The following GRAMD1C variants were observed in gnomAD, a reference collection of about 807,000 sequenced individuals.
GRAMD1C encodes protein Aster-C.
Under a neutral mutation model 97.8 loss-of-function variants are expected in GRAMD1C, and 89 were observed. The observed-to-expected ratio is 0.91, with a 90% confidence interval of 0.77 to 1.09. GRAMD1C has a LOEUF of 1.09. GRAMD1C is among the 50% of genes least tolerant of loss of function. The probability of loss-of-function intolerance (pLI) is 0.00; values close to 1 mark genes in which losing one functional copy is unlikely to be tolerated. For missense variants in GRAMD1C, 740 were observed against 766.4 expected (o/e 0.97, Z 0.41); for synonymous variants, 256 against 267.0 (o/e 0.96, Z 0.40).
intron 2 of GRAMD1C, among the ~76,000 whole-genome samples, chr3:113,849,906 C>G (rs1393791546): frequency 5.4e-5 from 8 of 148,972 alleles, no homozygotes; most frequent in Non-Finnish European, 9.0e-5. Flanking sequence ...GACGGGGCGG[C>G]TGGCCAGGCG....
rs770559418 is a variant in GRAMD1C, at chr3:113,945,450, A to G, written c.1961A>G (p.Asn654Ser). Reference protein sequence around the residue: ...LQKTFDLLNKNKTGMAVES With the variant: ...LQKTFDLLNKSKTGMAVES ...AAAACGTTTGATCTACTAAATAAGA[A>G]TAAGACTGGCATGGCTGTTGAAAGC... Residue 654 changes from asparagine (N) to serine (S), a missense_variant, in exon 18 of 18, where the codon AAT (asparagine) becomes AGT (serine). Asn to Ser is a conservative substitution (Grantham distance 46). Transcript: ENST00000358160. 2 of 1,596,264 alleles carry G rather than the reference A, an allele frequency of 1.3e-6. No homozygotes were observed. The highest frequency in any genetic ancestry group is 8.6e-7 in the Non-Finnish European group (1 of 1,164,346).
intron 3 of GRAMD1C, among the ~76,000 whole-genome samples, chr3:113,872,335 G>A (rs1250241887): frequency 6.7e-6 from 1 of 150,098 alleles, no homozygotes; most frequent in African/African-American, 2.5e-5. Context: ...ATCTTGCTTA[G>A]ATCTCTTTTT....
intron 2 of GRAMD1C, among the ~76,000 whole-genome samples, chr3:113,850,895 C>T (rs148234787): frequency 3.5e-5 from 5 of 144,150 alleles, no homozygotes; most frequent in African/African-American, 5.1e-5. Flanking sequence ...TCCGCTTCCC[C>T]GGGTTCACAC....
intron 2 of GRAMD1C, among the ~76,000 whole-genome samples, chr3:113,847,674 G>C (rs1933673360): frequency 6.6e-6 from 1 of 152,154 alleles, no homozygotes; most frequent in Admixed American, 6.5e-5. Flanking sequence ...ATTCACTGAG[G>C]GGTCTAAAAT....
intron 3 of GRAMD1C, among the ~76,000 whole-genome samples, chr3:113,871,783 CA>C (rs1250983760): frequency 1.4e-5 from 2 of 138,546 alleles, no homozygotes; most frequent in East Asian, 2.1e-4. Context: ...ACAATAACAG[CA>C]AAAAAAATCA....
chr3:113,829,216 A>G (rs1709527336), intron 1 of GRAMD1C, among the ~76,000 whole-genome samples: 1 of 152,122 alleles, frequency 6.6e-6, no homozygotes, highest in African/African-American at 2.4e-5. Context: ...TGAGGCCAGG[A>G]GTTAAGACCA....
At chr3:113,884,265 T>C (rs1304411722) in intron 6 of GRAMD1C, among the ~76,000 whole-genome samples, 3 of 152,212 alleles carry the variant, frequency 2.0e-5, no homozygotes, top group Non-Finnish European at 2.9e-5. Context: ...ATACGTTCTC[T>C]GAGCACAATG....
intron 2 of GRAMD1C, among the ~76,000 whole-genome samples, chr3:113,849,299 ATTTATTTATTT>A (rs1327229990): frequency 7.0e-6 from 1 of 143,802 alleles, no homozygotes; most frequent in Non-Finnish European, 1.6e-5. Flanking sequence ...TTATTTATTT[ATTTATTTATTT>A]TTTATTGATC....
rs1272866262 is a variant in GRAMD1C at position 113,909,045 on chromosome 3, T to C, written c.877T>C (p.Ser293Pro). Residue 293 changes from serine (S) to proline (P), a missense_variant, in exon 9 of 18, where the codon TCA (serine) becomes CCA (proline). Ser to Pro is a moderately conservative substitution (Grantham distance 74). Coordinates refer to ENST00000358160, the MANE Select transcript of GRAMD1C (RefSeq NM_017577.5). ...GGAAAAGAAGTTAACTAGAGTGCCA[T>C]CAAAGTCACTGGACTTGAATAAAAA... Reference protein sequence around the residue: ...TLEKKLTRVPSKSLDLNKNEY... With the variant: ...TLEKKLTRVPPKSLDLNKNEY... 1 of 1,570,452 alleles carries C rather than the reference T, an allele frequency of 6.4e-7. No homozygotes were observed. Among genetic ancestry groups the C allele is most frequent in the Non-Finnish European group, 8.7e-7 (1 of 1,155,632 alleles).
intron 2 of GRAMD1C, among the ~76,000 whole-genome samples, chr3:113,849,005 A>G (rs1169594455): frequency 6.6e-6 from 1 of 152,062 alleles, no homozygotes; most frequent in African/African-American, 2.4e-5. Context: ...ACAACCAAAA[A>G]ACTCTTAAAA....
intron 2 of GRAMD1C, among the ~76,000 whole-genome samples, chr3:113,859,076 C>T (rs1934267064): frequency 1.3e-5 from 2 of 152,000 alleles, no homozygotes; most frequent in African/African-American, 4.8e-5. Flanking sequence ...TTCAGTTTCA[C>T]TAATTTCTGT....
upstream of GRAMD1C, among the ~76,000 whole-genome samples, chr3:113,837,723 AAAACAAACAAACAAAC>A (rs58525780): frequency 0.017 from 2,534 of 150,050 alleles, 41 homozygotes; most frequent in Non-Finnish European, 0.026. Context: ...CCTGTCTCAA[AAAACAAACAAACAAAC>A]AAACAAACAA....
chr3:113,866,915 G>A (rs907515779), intron 2 of GRAMD1C, among the ~76,000 whole-genome samples: 1 of 151,452 alleles, frequency 6.6e-6, no homozygotes. Context: ...TGCAACCTCC[G>A]CCCTCCGAGT....
At chr3:113,941,872 G>T (rs1212599935) in intron 17 of GRAMD1C, among the ~76,000 whole-genome samples, 1 of 151,778 alleles carries the variant, frequency 6.6e-6, no homozygotes, top group East Asian at 1.9e-4. Context: ...TCTCACCTCG[G>T]CCTCCCAAAG....
chr3:113,904,251 C>A lies in GRAMD1C; in HGVS notation c.768C>A (p.Phe256Leu). ...GTCGGGTTTCAGAAACAGAGTCATT[C>A]GATGGAAATTCATCAAAAGGAGTTA... ...SISRVSETESFDGNSSKGGLG... is the reference protein window; with the variant it reads ...SISRVSETESLDGNSSKGGLG... The change falls in exon 8 of 18, where the codon TTC becomes TTA. Residue 256 changes from phenylalanine (F) to leucine (L), a missense_variant. Coordinates refer to ENST00000358160, the MANE Select transcript of GRAMD1C (RefSeq NM_017577.5). 1 of 1,604,954 alleles carries A rather than the reference C, an allele frequency of 6.2e-7. No homozygotes were observed.
chr3:113,875,910 C>A (rs1361054542), intron 4 of GRAMD1C: 4 of 419,774 alleles, frequency 9.5e-6, no homozygotes. Flanking sequence ...GGAGCATGAA[C>A]ACCCACATGT....
At chr3:113,860,533 C>G (rs1478403386) in intron 2 of GRAMD1C, among the ~76,000 whole-genome samples, 1 of 151,970 alleles carries the variant, frequency 6.6e-6, no homozygotes, top group Non-Finnish European at 1.5e-5. Flanking sequence ...CAAGCAGTAC[C>G]CAAGCTCCTA....
At chr3:113,834,391 C>T (rs919283292), upstream of GRAMD1C, among the ~76,000 whole-genome samples, 1 of 152,006 alleles carries the variant, frequency 6.6e-6, no homozygotes. Context: ...GATGGTCAGG[C>T]TGGTCTCGAA....
chr3:113,860,269 C>A (rs987340928), intron 2 of GRAMD1C, among the ~76,000 whole-genome samples: 3 of 152,200 alleles, frequency 2.0e-5, no homozygotes, highest in Admixed American at 6.5e-5. Flanking sequence ...ATCCACCCGC[C>A]TTGGCCTCCC....
Sources: gnomAD v4.1 joint callset for allele counts (sites outside exome capture counted in the v4.1 genomes callset) on GRCh38, gnomAD v4.1.1 for gene constraint, MANE v1.5 for transcripts, NCBI Gene and HGNC (gene_info 2026-07-23, HGNC 2026-07-21) for gene names.